Variants in LPCAT4 observed in about 807,000 individuals in gnomAD.
The protein encoded by LPCAT4 is lysophosphatidylcholine acyltransferase 4, also known as lysophospholipid acyltransferase LPCAT4.
LPCAT4 carries 30 observed loss-of-function variants against 66.5 expected under a neutral mutation model. That is an observed-to-expected ratio of 0.45 (90% CI 0.34 to 0.61). The LOEUF (loss-of-function observed/expected upper bound fraction) is 0.61, where lower values mean the gene tolerates loss of function less well. Among genes scored for constraint, LPCAT4 ranks in the 20% least tolerant of loss-of-function variants. The probability of loss-of-function intolerance (pLI) is 0.01; values close to 1 mark genes in which losing one functional copy is unlikely to be tolerated. For missense variants in LPCAT4, 557 were observed against 656.7 expected, an observed-to-expected ratio of 0.85 and a Z score of 1.66; for synonymous variants, 253 against 262.1, an observed-to-expected ratio of 0.97 and a Z score of 0.34.
Position 34,360,105 on chromosome 15 carries a change from C to G in LPCAT4, c.1242+6G>C. 6.2e-7 allele frequency: 1 copy of G among 1,609,768 alleles called. No homozygotes were observed. Among genetic ancestry groups the G allele is most frequent in the Non-Finnish European group, 8.5e-7 (1 of 1,176,448 alleles). The stretch of plus-strand genomic sequence containing the variant: ...AGCACCCCCCACCACCGCCACCCCC[C>G]ATTACCTCAAAGGCCAGACGAGTTA... On this transcript the variant is annotated splice_donor_region_variant and intron_variant, in intron 12 of 13. Coordinates refer to ENST00000314891, the MANE Select transcript of LPCAT4 (RefSeq NM_153613.3).
rs2140170514 is a variant in LPCAT4, at chr15:34,365,441, A to C, written c.257+118T>G. ...CGTCTGAGCTTGGCTGACTCATCTC[A>C]TCTACCCAAGCTAGACAGAATAGTT... On this transcript the variant is annotated intron_variant, in intron 2 of 13. Coordinates refer to ENST00000314891, the MANE Select transcript of LPCAT4 (RefSeq NM_153613.3). 2.1e-6 allele frequency: 3 copies of C among 1,439,246 alleles called. No individual in the cohort carries two copies. In the East Asian group the frequency reaches 6.9e-5, roughly 33 times the overall value. 89.2% of individuals were successfully genotyped at this position (1,439,246 alleles called of 1,614,324 possible).
rs769032296 is a variant in LPCAT4, at chr15:34,362,762, C to A, written c.801+20G>T. On this transcript the variant is annotated intron_variant, in intron 8 of 13. Transcript: ENST00000314891. Reference sequence around the variant, plus strand: ...GGAGTCTGAGATGTACTTCTCCCACCGCCCCCACGGGAGCCATACCTCCAC... The same window carrying A: ...GGAGTCTGAGATGTACTTCTCCCACAGCCCCCACGGGAGCCATACCTCCAC... The A allele has an allele frequency of 6.2e-7, 1 of 1,613,800 alleles. No homozygotes were observed. The highest frequency in any genetic ancestry group is 2.2e-5 in the East Asian group (1 of 44,898).
chr15:34,360,544 T>G (rs1041373463), intron 11 of LPCAT4, among the ~76,000 whole-genome samples: 4 of 152,248 alleles, frequency 2.6e-5, no homozygotes, highest in Admixed American at 6.5e-5. Flanking sequence ...AAACTGGTTC[T>G]CTCTGACTCA....
chr15:34,366,470 C>T (rs112686731), intron 1 of LPCAT4, among the ~76,000 whole-genome samples: 1 of 152,096 alleles, frequency 6.6e-6, no homozygotes, highest in African/African-American at 2.4e-5. Context: ...GCCTCCCTGC[C>T]CCCACCGGGA....
At chr15:34,360,534 A>G (rs971236497) in intron 11 of LPCAT4, among the ~76,000 whole-genome samples, 3 of 152,238 alleles carry the variant, frequency 2.0e-5, no homozygotes, top group African/African-American at 7.2e-5. Flanking sequence ...CAGGCTAGAC[A>G]AACTGGTTCT....
At position 34,367,168 on chromosome 15, in the gene LPCAT4, T is replaced by C; in HGVS notation, c.-68A>G. On this transcript the variant is annotated 5_prime_UTR_variant, in exon 1 of 14. Coordinates refer to ENST00000314891, the MANE Select transcript of LPCAT4 (RefSeq NM_153613.3). ...GGCCACCACTCTGCAGAGCAGCTGC[T>C]GCTGCAGCAGCGGCGGCGGCGGCGC... 5 of 1,312,146 alleles carry C rather than the reference T, an allele frequency of 3.8e-6. No individual in the cohort carries two copies. Among genetic ancestry groups the C allele is most frequent in the Non-Finnish European group, 4.9e-6 (5 of 1,017,920 alleles). 81.3% of individuals were successfully genotyped at this position (1,312,146 alleles called of 1,614,324 possible).
At chr15:34,361,262 G>A in intron 11 of LPCAT4, 138 bp downstream of exon 11, 1 of 1,507,388 alleles carries the variant, frequency 6.6e-7, no homozygotes, top group South Asian at 1.3e-5. Flanking sequence ...GTGGATCTCA[G>A]GGGATGGCCA....
chr15:34,363,159 A>G lies in LPCAT4; in HGVS notation c.746+263T>C, dbSNP rs1890989802. ...TGGTGATGGTTCTCAGGAAGGGATAATTGAGGGAGAAAATCACAGAAACAT... is the reference window on the plus strand; with the variant it reads ...TGGTGATGGTTCTCAGGAAGGGATAGTTGAGGGAGAAAATCACAGAAACAT... On this transcript the variant is annotated intron_variant, in intron 7 of 13. Transcript: ENST00000314891. The surrounding 1 kb of genome is among the most constrained non-coding windows in gnomAD (Gnocchi z 4.3). Among the ~76,000 whole-genome samples the G allele has an allele frequency of 6.6e-6, 1 of 152,238 alleles. No homozygotes were observed. The highest frequency in any genetic ancestry group is 2.4e-5 in the African/African-American group (1 of 41,458).
At position 34,363,297 on chromosome 15, in the gene LPCAT4, C is replaced by T. The variant is rs1890993041; in HGVS notation, c.746+125G>A. On this transcript the variant is annotated intron_variant, in intron 7 of 13. Coordinates refer to ENST00000314891, the MANE Select transcript of LPCAT4 (RefSeq NM_153613.3). The surrounding 1 kb of genome is among the most constrained non-coding windows in gnomAD (Gnocchi z 4.3). ...CATCAGGGGGAAAGTGGTGTCTCCT[C>T]TAGAGTTCTCTCAGTCCTCAGATGA... The T allele has an allele frequency of 9.5e-7, 1 of 1,052,600 alleles. No homozygotes were observed. Among genetic ancestry groups the T allele is most frequent in the African/African-American group, 1.6e-5 (1 of 62,864 alleles). 65.2% of individuals were successfully genotyped at this position (1,052,600 alleles called of 1,614,324 possible). A position where few individuals can be genotyped will look rare whatever the true frequency, so the allele number is the denominator to read the frequency against.
chr15:34,364,766 C>T, intron 3 of LPCAT4: 1 of 490,716 alleles, frequency 2.0e-6, no homozygotes. Flanking sequence ...TTATCTTTGC[C>T]CTGGGACAAT....
At position 34,367,181 on chromosome 15, in the gene LPCAT4, G is replaced by A. The variant is rs1438001888; in HGVS notation, c.-81C>T. The A allele has an allele frequency of 5.6e-6, 7 of 1,244,900 alleles. No homozygotes were observed. The East Asian group carries it at 2.6e-4, about 46-fold the overall frequency. The allele number at this position is 1,244,900 out of a possible 1,614,324, so 77.1% of individuals were successfully genotyped here. ...CAGAGCAGCTGCTGCTGCAGCAGCGGCGGCGGCGGCGCTCTGGCCCGGGCC... is the reference window on the plus strand; with the variant it reads ...CAGAGCAGCTGCTGCTGCAGCAGCGACGGCGGCGGCGCTCTGGCCCGGGCC... On this transcript the variant is annotated 5_prime_UTR_variant, in exon 1 of 14. Coordinates refer to ENST00000314891, the MANE Select transcript of LPCAT4 (RefSeq NM_153613.3).
chr15:34,360,414 T>C (rs550417221), intron 11 of LPCAT4, among the ~76,000 whole-genome samples: 1 of 152,328 alleles, frequency 6.6e-6, no homozygotes, highest in Admixed American at 6.5e-5. Context: ...GGTCACCTGG[T>C]GACAAAGCCC....
In LPCAT4 at chr15:34,363,934, C is replaced by T; in HGVS notation, c.652+79G>A. On this transcript the variant is annotated intron_variant, in intron 5 of 13. Transcript: ENST00000314891. The surrounding 1 kb of genome is among the most constrained non-coding windows in gnomAD (Gnocchi z 4.3). ...TCCCATCCCTCCCCCTCTTCTACTT[C>T]TTGGGTTATTTCAGAGTCCCTCCCC... The T allele has an allele frequency of 6.8e-7, 1 of 1,473,954 alleles. No homozygotes were observed. The highest frequency in any genetic ancestry group is 1.4e-5 in the African/African-American group (1 of 71,866). The allele number at this position is 1,473,954 out of a possible 1,614,324, so 91.3% of individuals were successfully genotyped here. A position where few individuals can be genotyped will look rare whatever the true frequency, so the allele number is the denominator to read the frequency against.
intron 1 of LPCAT4, 132 bp downstream of exon 1, chr15:34,366,855 C>T: frequency 2.1e-6 from 3 of 1,417,782 alleles, no homozygotes; most frequent in East Asian, 5.4e-5. Flanking sequence ...GTGCGCACCC[C>T]CGGACTCCCG....
chr15:34,359,273 G>C lies in LPCAT4; in HGVS notation c.1429C>G (p.Pro477Ala), dbSNP rs1281254903. The C allele has an allele frequency of 6.5e-7, 1 of 1,544,440 alleles. No homozygotes were observed. The highest frequency in any genetic ancestry group is 2.1e-5 in the Admixed American group (1 of 48,676). The change falls in exon 14 of 14, where the codon CCA (proline) becomes GCA (alanine). Residue 477 changes from proline (P) to alanine (A), a missense_variant. By Grantham distance (27) the Pro-to-Ala change is conservative (BLOSUM62 -1). Coordinates refer to ENST00000314891, the MANE Select transcript of LPCAT4 (RefSeq NM_153613.3). ...GTGCTGAAGAGTTTCCCATAGAGTG[G>C]GTCATGGAGGGAGAAGTTCTGGAAC... The part of the protein sequence containing the change: ...CQFQNFSLHD[P>A]LYGKLFSTYL...
Position 34,362,776 on chromosome 15 carries a change from C to A in LPCAT4, c.801+6G>T, listed in dbSNP as rs201076975. On this transcript the variant is annotated splice_donor_region_variant and intron_variant, in intron 8 of 13. Coordinates refer to ENST00000314891, the MANE Select transcript of LPCAT4 (RefSeq NM_153613.3). ...ACTTCTCCCACCGCCCCCACGGGAG[C>A]CATACCTCCACATCCACAATGCTGC... 11 of 1,614,108 alleles carry A rather than the reference C, an allele frequency of 6.8e-6. No individual in the cohort carries two copies. The Admixed American group carries it at 1.7e-4, about 24-fold the overall frequency.
Position 34,367,181 on chromosome 15 carries a change from G to C in LPCAT4, c.-81C>G. 8.0e-7 allele frequency: 1 copy of C among 1,244,900 alleles called. No homozygotes were observed. Among genetic ancestry groups the C allele is most frequent in the Non-Finnish European group, 1.0e-6 (1 of 971,172 alleles). The allele number at this position is 1,244,900 out of a possible 1,614,324, so 77.1% of individuals were successfully genotyped here. On this transcript the variant is annotated 5_prime_UTR_variant, in exon 1 of 14. Coordinates refer to ENST00000314891, the MANE Select transcript of LPCAT4 (RefSeq NM_153613.3). Reference sequence around the variant, plus strand: ...CAGAGCAGCTGCTGCTGCAGCAGCGGCGGCGGCGGCGCTCTGGCCCGGGCC... The same window carrying C: ...CAGAGCAGCTGCTGCTGCAGCAGCGCCGGCGGCGGCGCTCTGGCCCGGGCC...
chr15:34,363,080 T>TA lies in LPCAT4; in HGVS notation c.747-245_747-244insT, dbSNP rs1302275770. On this transcript the variant is annotated intron_variant, in intron 7 of 13. Coordinates refer to ENST00000314891, the MANE Select transcript of LPCAT4 (RefSeq NM_153613.3). The surrounding 1 kb of genome is among the most constrained non-coding windows in gnomAD (Gnocchi z 4.3). Reference sequence around the variant, plus strand: ...TGCATGGATATGCCAGAGGAAGAACTGTAGGCAAGAGGAGGTTTGAGTAAT... The same window carrying TA: ...TGCATGGATATGCCAGAGGAAGAACTAGTAGGCAAGAGGAGGTTTGAGTAAT... 6.6e-6 allele frequency among the ~76,000 whole-genome samples: 1 copy of TA among 151,958 alleles called. No homozygotes were observed. The highest frequency in any genetic ancestry group is 1.9e-4 in the East Asian group (1 of 5,180).
In LPCAT4 at chr15:34,359,319, T is replaced by C. The variant is rs375303753; in HGVS notation, c.1400-17A>G. 155 of 1,473,796 alleles carry C rather than the reference T, an allele frequency of 1.1e-4. No homozygotes were observed. The African/African-American group carries it at 1.9e-3, about 18-fold the overall frequency. 91.3% of individuals were successfully genotyped at this position (1,473,796 alleles called of 1,614,324 possible). On this transcript the variant is annotated splice_polypyrimidine_tract_variant and intron_variant, in intron 13 of 13. Coordinates refer to ENST00000314891, the MANE Select transcript of LPCAT4 (RefSeq NM_153613.3). Reference sequence around the variant, plus strand: ...GGAACTGACCTGGACAAATAAGAGATGGGGAAAAGTGAAAAGATCTAAGAA... The same window carrying C: ...GGAACTGACCTGGACAAATAAGAGACGGGGAAAAGTGAAAAGATCTAAGAA...
Sources: allele counts gnomAD v4.1 joint callset (sites outside exome capture counted in the v4.1 genomes callset), GRCh38; gene constraint gnomAD v4.1.1; non-coding constraint Gnocchi (gnomAD v3.1); transcripts MANE v1.5; gene names NCBI Gene and HGNC (gene_info 2026-07-23, HGNC 2026-07-21).